The following VPS13B variants were observed in gnomAD, a reference collection of about 807,000 sequenced individuals.
VPS13B encodes intermembrane lipid transfer protein VPS13B.
In VPS13B, 285 loss-of-function variants were observed where a neutral mutation model predicts 426.4. The observed-to-expected ratio is 0.67, with a 90% confidence interval of 0.61 to 0.74. The LOEUF (loss-of-function observed/expected upper bound fraction) is 0.74. Ranked by LOEUF, VPS13B falls within the 30% of genes least tolerant of loss-of-function variation. VPS13B has a pLI of 0.00. For missense variants in VPS13B, 4,537 were observed against 4,782.6 expected, an observed-to-expected ratio of 0.95 and a Z score of 1.51; for synonymous variants, 1,676 against 1,676.4, an observed-to-expected ratio of 1.00 and a Z score of 0.01.
chr8:99,550,200 G>A (rs930328437), intron 30 of VPS13B, among the ~76,000 whole-genome samples: 1 of 152,056 alleles, frequency 6.6e-6, no homozygotes, highest in African/African-American at 2.4e-5. Flanking sequence ...CTAAGGCTAT[G>A]AGTAGGGAAG....
At position 99,293,059 on chromosome 8, in the gene VPS13B, G is replaced by A. The variant is rs191459736; in HGVS notation, c.2824+17805G>A. On this transcript the variant is annotated intron_variant, in intron 19 of 61. Coordinates refer to ENST00000357162, the MANE Select transcript of VPS13B (RefSeq NM_152564.5). ...AAGCACCATTTAAAGTTCATATGGA[G>A]CCAAAAAAGAGCCCGCATCGCCAAG... is the stretch of plus-strand genomic sequence containing the variant. 4.3e-3 allele frequency among the ~76,000 whole-genome samples: 649 copies of A among 151,986 alleles called. 8 individuals are homozygous for A. Among genetic ancestry groups the A allele is most frequent in the African/African-American group, 0.015 (606 of 41,486 alleles).
intron 39 of VPS13B, among the ~76,000 whole-genome samples, chr8:99,765,130 C>A (rs982273450): frequency 2.6e-5 from 4 of 152,072 alleles, no homozygotes; most frequent in Non-Finnish European, 5.9e-5. Flanking sequence ...CCTGTAATCC[C>A]AGCTACTCGG....
chr8:99,190,749 A>G (rs1813518718), intron 16 of VPS13B, among the ~76,000 whole-genome samples: 1 of 152,194 alleles, frequency 6.6e-6, no homozygotes, highest in African/African-American at 2.4e-5. Flanking sequence ...TACATATGTC[A>G]TAAACTCTGA....
chr8:99,587,343 T>C (rs1826357612), intron 33 of VPS13B, among the ~76,000 whole-genome samples: 1 of 152,052 alleles, frequency 6.6e-6, no homozygotes. Context: ...TACCCAGTAA[T>C]GGGATGGCTG....
chr8:99,444,918 G>A (rs1268742480), intron 23 of VPS13B, among the ~76,000 whole-genome samples: 3 of 151,754 alleles, frequency 2.0e-5, no homozygotes, highest in African/African-American at 4.8e-5. Flanking sequence ...AAAAGCACTG[G>A]GATTATAGGT....
At chr8:99,493,214 G>A (rs895737709) in intron 25 of VPS13B, among the ~76,000 whole-genome samples, 3 of 152,046 alleles carry the variant, frequency 2.0e-5, no homozygotes, top group African/African-American at 7.2e-5. Context: ...ACCATTTTAA[G>A]TATATAATTC....
Position 99,808,414 on chromosome 8 carries a change from G to A in VPS13B, c.7942-961G>A, listed in dbSNP as rs182803241. On this transcript the variant is annotated intron_variant, in intron 43 of 61. Coordinates refer to ENST00000357162, the MANE Select transcript of VPS13B (RefSeq NM_152564.5). ...ACCTGTAGTCCCAGCTACTCGGGAG[G>A]CTGAGGCAAGAGAATCGCTTGAACC... Among the ~76,000 whole-genome samples the A allele has an allele frequency of 5.3e-5, 8 of 151,428 alleles. No individual in the cohort carries two copies. In the East Asian group the frequency reaches 1.2e-3, roughly 22 times the overall value.
intron 30 of VPS13B, among the ~76,000 whole-genome samples, chr8:99,543,857 T>G (rs183010795): frequency 0.19 from 26,957 of 145,492 alleles, 2,586 homozygotes; most frequent in East Asian, 0.36. Context: ...ACTTTTACAC[T>G]GTTGGTGGGA....
intron 19 of VPS13B, among the ~76,000 whole-genome samples, chr8:99,320,291 A>T (rs1588247116): frequency 6.6e-6 from 1 of 152,126 alleles, no homozygotes; most frequent in African/African-American, 2.4e-5. Flanking sequence ...TTGTTTTGCT[A>T]ATGTCAGGAT....
chr8:99,776,969 T>A lies in VPS13B; in HGVS notation c.7429+13T>A. On this transcript the variant is annotated intron_variant, in intron 41 of 61. Coordinates refer to ENST00000357162, the MANE Select transcript of VPS13B (RefSeq NM_152564.5). ...CAACTAGGCACAGGTACTCTTTTTT[T>A]TAGCATCAGAATAACATCCATTTAA... 6.2e-7 allele frequency: 1 copy of A among 1,612,540 alleles called. No homozygotes were observed. Among genetic ancestry groups the A allele is most frequent in the Non-Finnish European group, 8.5e-7 (1 of 1,178,556 alleles).
Position 99,032,840 on chromosome 8 carries a change from C to T in VPS13B, c.148-5583C>T, listed in dbSNP as rs574330950. On this transcript the variant is annotated intron_variant, in intron 2 of 61. Transcript: ENST00000357162. ...CAGGTGTGAGCCACTGCGCCTGGCCCGAATTATTTTCTTTGTGATTGCTTG... is the reference window on the plus strand; with the variant it reads ...CAGGTGTGAGCCACTGCGCCTGGCCTGAATTATTTTCTTTGTGATTGCTTG... 2.1e-4 allele frequency among the ~76,000 whole-genome samples: 32 copies of T among 151,890 alleles called. 1 individual carries two copies. The highest frequency in any genetic ancestry group is 1.4e-3 in the Admixed American group (22 of 15,236).
At chr8:99,675,109 G>A (rs1236449206) in intron 35 of VPS13B, among the ~76,000 whole-genome samples, 1 of 151,482 alleles carries the variant, frequency 6.6e-6, no homozygotes, top group African/African-American at 2.4e-5. Flanking sequence ...AGCATTTATT[G>A]TAATGCAGGT....
chr8:99,118,005 T>C (rs928388953), intron 7 of VPS13B, among the ~76,000 whole-genome samples: 1 of 152,190 alleles, frequency 6.6e-6, no homozygotes, highest in African/African-American at 2.4e-5. Context: ...TCAGAGTATG[T>C]AGATATAAAA....
At chr8:99,423,478 G>T (rs529967424) in intron 21 of VPS13B, among the ~76,000 whole-genome samples, 1 of 150,120 alleles carries the variant, frequency 6.7e-6, no homozygotes, top group South Asian at 2.1e-4. Context: ...ATGTTAGCCA[G>T]GCTGGTTTCG....
intron 11 of VPS13B, among the ~76,000 whole-genome samples, 180 bp downstream of exon 11, chr8:99,135,913 A>C (rs1165515155): frequency 1.3e-5 from 2 of 151,976 alleles, no homozygotes; most frequent in African/African-American, 4.8e-5. Flanking sequence ...GTGCACAGAG[A>C]TCTTTTATTG....
intron 19 of VPS13B, among the ~76,000 whole-genome samples, chr8:99,279,906 A>G (rs1038571986): frequency 6.6e-6 from 1 of 152,114 alleles, no homozygotes; most frequent in African/African-American, 2.4e-5. Flanking sequence ...AGTAGCTGGG[A>G]CTACAGGCAC....
chr8:99,211,605 C>T (rs781508133), intron 17 of VPS13B, among the ~76,000 whole-genome samples: 23 of 151,950 alleles, frequency 1.5e-4, no homozygotes, highest in Non-Finnish European at 2.9e-4. Context: ...CTGGAAACCC[C>T]GTTTCTACTA....
At chr8:99,300,361 T>C (rs1424427949) in intron 19 of VPS13B, among the ~76,000 whole-genome samples, 1 of 152,246 alleles carries the variant, frequency 6.6e-6, no homozygotes, top group African/African-American at 2.4e-5. Context: ...ATGTTAGCTT[T>C]TGAAAGCAAA....
chr8:99,302,111 C>T (rs1008124104), intron 19 of VPS13B, among the ~76,000 whole-genome samples: 2 of 152,064 alleles, frequency 1.3e-5, no homozygotes, highest in African/African-American at 2.4e-5. Flanking sequence ...TTCTGCTGCA[C>T]GAGGCTGTTC....
Sources: allele counts gnomAD v4.1 joint callset (sites outside exome capture counted in the v4.1 genomes callset), GRCh38; gene constraint gnomAD v4.1.1; transcripts MANE v1.5; gene names NCBI Gene and HGNC (gene_info 2026-07-23, HGNC 2026-07-21).